Variants in LRBA observed in about 807,000 individuals in gnomAD.
LRBA encodes LPS responsive beige-like anchor protein.
In LRBA, 176 loss-of-function variants were observed where a neutral mutation model predicts 330.0. The observed-to-expected ratio is 0.53, with a 90% CI of 0.47 to 0.60. LRBA has a LOEUF of 0.60. Among genes scored for constraint, LRBA ranks in the 20% least tolerant of loss-of-function variants. The pLI, the probability that LRBA is intolerant of heterozygous loss-of-function variation, is 0.00. For missense variants in LRBA, 3,259 were observed against 3,444.8 expected, an observed-to-expected ratio of 0.95 and a Z score of 1.35; for synonymous variants, 1,230 against 1,193.0, an observed-to-expected ratio of 1.03 and a Z score of -0.64.
chr4:150,520,406 G>T (rs939489202), intron 40 of LRBA, among the ~76,000 whole-genome samples: 1 of 151,492 alleles, frequency 6.6e-6, no homozygotes, highest in South Asian at 2.1e-4. Context: ...TTTTCCTTAG[G>T]AATATTTTGT....
intron 47 of LRBA, among the ~76,000 whole-genome samples, chr4:150,387,718 G>A (rs1203772854): frequency 6.6e-6 from 1 of 152,094 alleles, no homozygotes; most frequent in Non-Finnish European, 1.5e-5. Context: ...GTTCCTAAGG[G>A]ATGTAAAATT....
chr4:151,004,459 G>A (rs773986472), intron 2 of LRBA, among the ~76,000 whole-genome samples: 21 of 152,122 alleles, frequency 1.4e-4, no homozygotes, highest in Admixed American at 3.3e-4. Context: ...CATCCTGGTG[G>A]GACAGAGAGT....
intron 40 of LRBA, among the ~76,000 whole-genome samples, chr4:150,518,366 T>C (rs1762580666): frequency 6.6e-6 from 1 of 152,128 alleles, no homozygotes. Context: ...AAAACATAAA[T>C]TGTTTATTTT....
At chr4:150,678,234 C>T (rs546765024) in intron 37 of LRBA, among the ~76,000 whole-genome samples, 2 of 148,010 alleles carry the variant, frequency 1.4e-5, no homozygotes, top group African/African-American at 5.0e-5. Flanking sequence ...GAGTGAGACT[C>T]TGTCTCCAAG....
chr4:150,442,580 T>C (rs1356220125), intron 44 of LRBA, among the ~76,000 whole-genome samples: 1 of 152,144 alleles, frequency 6.6e-6, no homozygotes, highest in Non-Finnish European at 1.5e-5. Flanking sequence ...AAGCCTGCCT[T>C]ACAGTACTGA....
intron 41 of LRBA, among the ~76,000 whole-genome samples, chr4:150,489,120 A>C (rs1208203440): frequency 1.5e-5 from 1 of 65,388 alleles, no homozygotes; most frequent in Admixed American, 2.2e-4. Context: ...TATCATATAT[A>C]ATATATAAGA....
In LRBA at chr4:150,981,410, C is replaced by CAA. The variant is rs58638225; in HGVS notation, c.216+33015_216+33016dup. On this transcript the variant is annotated intron_variant, in intron 2 of 56. Coordinates refer to ENST00000651943, the MANE Select transcript of LRBA (RefSeq NM_001364905.1). Reference sequence around the variant, plus strand: ...CCTCGGCGACGGAGTGAGACTGTCTCAAAAAAAAAAAAAAAAAAAATTATA... The same window carrying CAA: ...CCTCGGCGACGGAGTGAGACTGTCTCAAAAAAAAAAAAAAAAAAAAAATTATA... Among the ~76,000 whole-genome samples the CAA allele has an allele frequency of 3.9e-4, 41 of 106,414 alleles. 1 individual carries two copies. The highest frequency in any genetic ancestry group is 1.3e-3 in the African/African-American group (37 of 27,666). The allele number at this position is 106,414 out of a possible 152,430, so 69.8% of individuals were successfully genotyped here.
At chr4:150,961,942 A>C (rs1738194543) in intron 2 of LRBA, among the ~76,000 whole-genome samples, 1 of 149,236 alleles carries the variant, frequency 6.7e-6, no homozygotes, top group Non-Finnish European at 1.5e-5. Context: ...TTGTATTTTT[A>C]TTTGAGGAAA....
chr4:150,578,614 C>A (rs528348523), intron 40 of LRBA, among the ~76,000 whole-genome samples: 1 of 152,186 alleles, frequency 6.6e-6, no homozygotes, highest in South Asian at 2.1e-4. Flanking sequence ...ATTACTACAA[C>A]CTGACTCAAT....
intron 44 of LRBA, among the ~76,000 whole-genome samples, chr4:150,445,572 A>G (rs2152017705): frequency 6.6e-6 from 1 of 152,106 alleles, no homozygotes. Context: ...AGCAAGGAGG[A>G]TTCCAAATCC....
intron 37 of LRBA, among the ~76,000 whole-genome samples, chr4:150,640,756 T>C (rs1778597881): frequency 6.6e-6 from 1 of 152,146 alleles, no homozygotes; most frequent in Admixed American, 6.5e-5. Context: ...CCATCCAATA[T>C]AATTTACTTA....
At chr4:150,530,060 T>A (rs925307660) in intron 40 of LRBA, among the ~76,000 whole-genome samples, 2 of 152,220 alleles carry the variant, frequency 1.3e-5, no homozygotes, top group African/African-American at 4.8e-5. Context: ...TATTTAAATC[T>A]TTTGAAATTT....
chr4:150,335,502 T>TATAC (rs1554002568), intron 48 of LRBA, among the ~76,000 whole-genome samples: 3 of 144,522 alleles, frequency 2.1e-5, no homozygotes, highest in Non-Finnish European at 4.5e-5. Context: ...TATATATATA[T>TATAC]ACACACACAT....
intron 20 of LRBA, 130 bp from the exon 21 acceptor site, chr4:150,868,435 T>C: frequency 2.1e-6 from 1 of 486,222 alleles, no homozygotes; most frequent in Non-Finnish European, 3.5e-6. Flanking sequence ...TCTTCTGTTA[T>C]TAAAAAAAAT....
intron 47 of LRBA, among the ~76,000 whole-genome samples, chr4:150,351,347 T>A (rs950486133): frequency 1.3e-5 from 2 of 152,152 alleles, no homozygotes; most frequent in African/African-American, 2.4e-5. Flanking sequence ...GATAAATAAT[T>A]ATATTAAAAT....
intron 44 of LRBA, among the ~76,000 whole-genome samples, chr4:150,443,343 A>T (rs998618229): frequency 7.9e-5 from 12 of 152,200 alleles, no homozygotes; most frequent in Admixed American, 7.9e-4. Context: ...CCATCCCATT[A>T]CTGGGTATAT....
intron 27 of LRBA, 29 bp downstream of exon 27, chr4:150,844,629 T>C (rs772903614): frequency 5.1e-6 from 8 of 1,574,076 alleles, no homozygotes; most frequent in Non-Finnish European, 6.9e-6. Flanking sequence ...GAGTATGCTT[T>C]TTGAAAATTA....
At chr4:150,455,992 T>A (rs924474463) in intron 44 of LRBA, among the ~76,000 whole-genome samples, 1 of 152,180 alleles carries the variant, frequency 6.6e-6, no homozygotes, top group Non-Finnish European at 1.5e-5. Context: ...TTGTTGCAAA[T>A]AACAGTATCT....
At chr4:150,663,370 A>C (rs558036363) in intron 37 of LRBA, among the ~76,000 whole-genome samples, 76 of 152,272 alleles carry the variant, frequency 5.0e-4, no homozygotes, top group Non-Finnish European at 9.3e-4. Flanking sequence ...GTAAGATGTC[A>C]AATTGATGAC....
Sources: allele counts gnomAD v4.1 joint callset (sites outside exome capture counted in the v4.1 genomes callset), GRCh38; gene constraint gnomAD v4.1.1; transcripts MANE v1.5; gene names NCBI Gene and HGNC (gene_info 2026-07-23, HGNC 2026-07-21).